The following PTPRD variants were observed in gnomAD, a reference collection of about 807,000 sequenced individuals.
PTPRD encodes the protein receptor-type tyrosine-protein phosphatase delta.
A neutral mutation model predicts 214.5 loss-of-function variants in PTPRD; 34 were observed. That is an observed-to-expected ratio of 0.16 (90% CI 0.12 to 0.21). The LOEUF (loss-of-function observed/expected upper bound fraction) is 0.21. PTPRD is among the 10% of genes least tolerant of loss of function. The pLI is 1.00. For synonymous variants in PTPRD, 1,128 were observed against 845.7 expected, an observed-to-expected ratio of 1.33 and a Z score of -5.79; for missense variants, 2,545 against 2,398.7, an observed-to-expected ratio of 1.06 and a Z score of -1.27.
At chr9:9,663,717 C>T (rs1252864342) in intron 7 of PTPRD, among the ~76,000 whole-genome samples, 1 of 151,414 alleles carries the variant, frequency 6.6e-6, no homozygotes, top group Non-Finnish European at 1.5e-5. Context: ...TATTTATTGG[C>T]AAAATTACAT....
chr9:9,002,507 A>G (rs958839908), intron 11 of PTPRD, among the ~76,000 whole-genome samples: 1 of 152,174 alleles, frequency 6.6e-6, no homozygotes, highest in Non-Finnish European at 1.5e-5. Context: ...TGTTTCTTTT[A>G]TAATTAATTA....
chr9:9,138,206 C>CTATTTCTTT (rs2099854051), intron 10 of PTPRD, among the ~76,000 whole-genome samples: 1 of 151,838 alleles, frequency 6.6e-6, no homozygotes. Context: ...TTTTATCTGA[C>CTATTTCTTT]TATAAAAAGA....
chr9:9,731,844 A>T (rs188545139), intron 7 of PTPRD, among the ~76,000 whole-genome samples: 2 of 152,204 alleles, frequency 1.3e-5, no homozygotes, highest in African/African-American at 4.8e-5. Context: ...TTGAGGAACT[A>T]CTAAACATAG....
At chr9:8,336,250 G>C (rs1846552781) in intron 43 of PTPRD, among the ~76,000 whole-genome samples, 1 of 148,982 alleles carries the variant, frequency 6.7e-6, no homozygotes, top group South Asian at 2.1e-4. Flanking sequence ...TACCAAAACA[G>C]AGATATAGAC....
At chr9:9,082,567 G>T (rs972271729) in intron 10 of PTPRD, among the ~76,000 whole-genome samples, 3 of 152,170 alleles carry the variant, frequency 2.0e-5, no homozygotes, top group Admixed American at 2.0e-4. Flanking sequence ...TCAGGCAAGA[G>T]AAAGAAATAA....
At chr9:9,979,098 A>G (rs141228782) in intron 4 of PTPRD, among the ~76,000 whole-genome samples, 79 of 152,228 alleles carry the variant, frequency 5.2e-4, no homozygotes, top group African/African-American at 1.7e-3. Context: ...AAGCTGATTT[A>G]TTGCTAGCAC....
chr9:9,888,993 A>T lies in PTPRD; in HGVS notation c.-368+49514T>A, dbSNP rs536695631. Reference sequence around the variant, plus strand: ...AAAAATACAGAAGTTCTAGGACATTATATTAAGTGAAATAAGCTAGGTACA... The same window carrying T: ...AAAAATACAGAAGTTCTAGGACATTTTATTAAGTGAAATAAGCTAGGTACA... On this transcript the variant is annotated intron_variant, in intron 5 of 45. Transcript: ENST00000381196. 9.5e-4 allele frequency among the ~76,000 whole-genome samples: 144 copies of T among 152,258 alleles called. 2 individuals carry two copies. The South Asian group carries it at 0.028, about 30-fold the overall frequency.
intron 12 of PTPRD, chr9:8,713,616 C>G (rs917125885): frequency 3.3e-6 from 5 of 1,532,586 alleles, no homozygotes; most frequent in Non-Finnish European, 4.5e-6. Context: ...ACCTGACCAC[C>G]GCGGGCGCTG....
intron 2 of PTPRD, among the ~76,000 whole-genome samples, chr9:10,470,000 G>A (rs1231881187): frequency 6.6e-6 from 1 of 151,958 alleles, no homozygotes; most frequent in African/African-American, 2.4e-5. Context: ...CCAGAGGCTG[G>A]GTAGGGTATT....
intron 10 of PTPRD, among the ~76,000 whole-genome samples, chr9:9,065,855 A>G (rs1431098313): frequency 1.3e-5 from 2 of 152,192 alleles, no homozygotes; most frequent in Non-Finnish European, 2.9e-5. Context: ...AATGTAATCC[A>G]TTTAACCTCA....
intron 4 of PTPRD, among the ~76,000 whole-genome samples, chr9:10,032,297 GA>G (rs1306922653): frequency 6.6e-6 from 1 of 151,972 alleles, no homozygotes; most frequent in African/African-American, 2.4e-5. Context: ...ACATTACTAA[GA>G]AAAAAATTAG....
At chr9:10,172,977 A>G (rs1458524203) in intron 3 of PTPRD, among the ~76,000 whole-genome samples, 1 of 152,240 alleles carries the variant, frequency 6.6e-6, no homozygotes, top group Non-Finnish European at 1.5e-5. Flanking sequence ...CTATTGTCAC[A>G]TAAATATGAC....
intron 4 of PTPRD, among the ~76,000 whole-genome samples, chr9:9,943,237 G>T (rs1346417560): frequency 6.6e-6 from 1 of 152,174 alleles, no homozygotes. Context: ...CTTCCTAGTT[G>T]TTACAAAAGA....
intron 2 of PTPRD, among the ~76,000 whole-genome samples, chr9:10,462,199 C>T (rs754310042): frequency 3.9e-5 from 6 of 152,118 alleles, no homozygotes; most frequent in East Asian, 3.9e-4. Flanking sequence ...TGTGAGCTGA[C>T]AGTACACAAT....
chr9:9,231,774 C>T (rs2099963265), intron 9 of PTPRD, among the ~76,000 whole-genome samples: 1 of 151,910 alleles, frequency 6.6e-6, no homozygotes, highest in Non-Finnish European at 1.5e-5. Context: ...GGTACATGTG[C>T]ACAACGTACA....
chr9:9,483,663 G>A (rs531116211), intron 8 of PTPRD, among the ~76,000 whole-genome samples: 8 of 152,196 alleles, frequency 5.3e-5, no homozygotes, highest in African/African-American at 1.7e-4. Context: ...AGCACTTGCA[G>A]TGAGTGATAA....
At chr9:8,936,796 A>T (rs912485218) in intron 11 of PTPRD, among the ~76,000 whole-genome samples, 3 of 152,230 alleles carry the variant, frequency 2.0e-5, no homozygotes, top group African/African-American at 7.2e-5. Flanking sequence ...AGATATTGAA[A>T]GGATAAAGGT....
In PTPRD at chr9:9,988,359, T is replaced by G. The variant is rs187419817; in HGVS notation, c.-472+45359A>C. On this transcript the variant is annotated intron_variant, in intron 4 of 45. Transcript: ENST00000381196. Reference sequence around the variant, plus strand: ...ATCAGAAGTTCAGACTTGAAAACTGTTTATTATGAATGCCAACTTTCCAGT... The same window carrying G: ...ATCAGAAGTTCAGACTTGAAAACTGGTTATTATGAATGCCAACTTTCCAGT... 2.0e-5 allele frequency among the ~76,000 whole-genome samples: 3 copies of G among 152,316 alleles called. No individual in the cohort carries two copies. In the East Asian group the frequency reaches 5.8e-4, roughly 29 times the overall value.
At chr9:9,321,556 G>GAAAA (rs3048028) in intron 9 of PTPRD, among the ~76,000 whole-genome samples, 18 of 138,516 alleles carry the variant, frequency 1.3e-4, no homozygotes, top group South Asian at 4.7e-4. Context: ...ACTCCACTGA[G>GAAAA]AAAAAAAAAA....
Sources: gnomAD v4.1 joint callset for allele counts (sites outside exome capture counted in the v4.1 genomes callset) on GRCh38, gnomAD v4.1.1 for gene constraint, MANE v1.5 for transcripts, NCBI Gene and HGNC (gene_info 2026-07-23, HGNC 2026-07-21) for gene names.